PLAT: variants seen among roughly 807,000 people sequenced by gnomAD.
PLAT encodes plasminogen activator, tissue type.
In PLAT, 48 loss-of-function variants were observed where a neutral mutation model predicts 74.9. The ratio of observed to expected loss-of-function variants is 0.64; its 90% CI spans 0.51 to 0.82. The LOEUF (loss-of-function observed/expected upper bound fraction) is 0.82, where lower values mean the gene tolerates loss of function less well. Among genes scored for constraint, PLAT ranks in the 40% least tolerant of loss-of-function variants. The pLI, the probability that PLAT is intolerant of heterozygous loss-of-function variation, is 0.00. For missense variants in PLAT, 673 were observed against 736.2 expected (o/e 0.91, Z 0.99); for synonymous variants, 307 against 294.4 (o/e 1.04, Z -0.44).
intron 9 of PLAT, 142 bp from the exon 10 acceptor site, chr8:42,180,827 C>G (rs1455160237): frequency 8.0e-6 from 5 of 622,960 alleles, no homozygotes; most frequent in African/African-American, 7.4e-5. Context: ...TCCATACATT[C>G]TCTTTAGTTC....
In PLAT at chr8:42,187,590, A is replaced by G. The variant is rs1805533772; in HGVS notation, c.365-18T>C. The G allele has an allele frequency of 6.4e-7, 1 of 1,573,078 alleles. No individual in the cohort carries two copies. The highest frequency in any genetic ancestry group is 8.7e-7 in the Non-Finnish European group (1 of 1,154,838). ...CCTGGTATCTGACAGAGAGCAGGGC[A>G]TGGATGCCTCACATGGGAGTCCCCT... is the stretch of plus-strand genomic sequence containing the variant. On this transcript the variant is annotated intron_variant, in intron 5 of 13. Transcript: ENST00000220809.
chr8:42,187,288 T>G (rs1218356374), intron 6 of PLAT, 110 bp downstream of exon 6: 37 of 837,384 alleles, frequency 4.4e-5, no homozygotes. Context: ...CATCTATCCA[T>G]CCTGTATTGG....
In PLAT at chr8:42,178,997, G is replaced by C. The variant is rs770054356; in HGVS notation, c.1430C>G (p.Thr477Arg). 14 of 1,613,738 alleles carry C rather than the reference G, an allele frequency of 8.7e-6. No individual in the cohort carries two copies. The highest frequency in any genetic ancestry group is 1.7e-5 in the Admixed American group (1 of 60,032). Reference protein sequence around the residue: ...HVRLYPSSRCTSQHLLNRTVT... With the variant: ...HVRLYPSSRCRSQHLLNRTVT... ...TGTTCTGTTAAGTAAATGTTGTGAT[G>C]TGCAGCGGCTGGATGGGTACAGTCT... The change falls in exon 13 of 14, where the codon ACA becomes AGA. Residue 477 changes from threonine (T) to arginine (R), a missense_variant. Coordinates refer to ENST00000220809, the MANE Select transcript of PLAT (RefSeq NM_000930.5).
chr8:42,177,711 A>C (rs1269630529), intron 13 of PLAT, among the ~76,000 whole-genome samples: 1 of 152,238 alleles, frequency 6.6e-6, no homozygotes, highest in Non-Finnish European at 1.5e-5. Flanking sequence ...CTAAGCTTGC[A>C]GATAGATAAT....
rs996762154 is a variant in PLAT, at chr8:42,175,411, T to G, written c.*582A>C. The G allele has an allele frequency of 6.5e-6, 1 of 152,906 alleles. No homozygotes were observed. Among genetic ancestry groups the G allele is most frequent in the African/African-American group, 2.4e-5 (1 of 41,472 alleles). The allele number at this position is 152,906 out of a possible 1,614,324, so 9.5% of individuals were successfully genotyped here. On this transcript the variant is annotated 3_prime_UTR_variant, in exon 14 of 14. Coordinates refer to ENST00000220809, the MANE Select transcript of PLAT (RefSeq NM_000930.5). ...TTATAAAGAAAAAGGATTTACACTTTACACACTGTACACAAAAGGAATACC... is the reference window on the plus strand; with the variant it reads ...TTATAAAGAAAAAGGATTTACACTTGACACACTGTACACAAAAGGAATACC...
rs1326966935 is a variant in PLAT at position 42,176,039 on chromosome 8, T to G, written c.1643A>C (p.Lys548Thr). The change falls in exon 14 of 14, where the codon AAG becomes ACG. Residue 548 changes from lysine to threonine, a missense_variant. By Grantham distance (78) the Lys-to-Thr change is moderately conservative. Transcript: ENST00000220809. ...AATCCAGTCTAGGTAGTTGGTAACC[T>G]TGGTGTACACACCCGGGACATCCTT... is the stretch of plus-strand genomic sequence containing the variant. Reference protein sequence around the residue: ...GQKDVPGVYTKVTNYLDWIRD... With the variant: ...GQKDVPGVYTTVTNYLDWIRD... The G allele has an allele frequency of 1.9e-6, 3 of 1,614,060 alleles. No individual in the cohort carries two copies. In the African/African-American group the frequency reaches 4.0e-5, roughly 22 times the overall value.
intron 7 of PLAT, among the ~76,000 whole-genome samples, chr8:42,183,534 T>C (rs1805332523): frequency 1.3e-5 from 2 of 151,912 alleles, no homozygotes; most frequent in African/African-American, 4.8e-5. Flanking sequence ...CGTGCTTCAG[T>C]GGGGCTGGGG....
At chr8:42,205,570 C>G (rs1263068640) in intron 1 of PLAT, among the ~76,000 whole-genome samples, 1 of 152,114 alleles carries the variant, frequency 6.6e-6, no homozygotes, top group Admixed American at 6.5e-5. Context: ...GCATAAGTGA[C>G]TCTTCCTCTG....
At chr8:42,177,464 A>G (rs1339897148) in intron 13 of PLAT, among the ~76,000 whole-genome samples, 1 of 152,170 alleles carries the variant, frequency 6.6e-6, no homozygotes, top group East Asian at 1.9e-4. Flanking sequence ...AATTACTCAA[A>G]CGTTTCAGGC....
chr8:42,204,891 AG>A (rs1806277142), intron 1 of PLAT, among the ~76,000 whole-genome samples: 1 of 151,894 alleles, frequency 6.6e-6, no homozygotes, highest in Non-Finnish European at 1.5e-5. Flanking sequence ...GGTGGCTTCA[AG>A]TGACACTACC....
chr8:42,185,427 C>A lies in PLAT; in HGVS notation c.540-255G>T, dbSNP rs8178761. On this transcript the variant is annotated intron_variant, in intron 6 of 13. Transcript: ENST00000220809. ...TACAGGTGCCTGCCACCATGCCTGG[C>A]TAATTTTTGTATTTTTAGTAGAGAC... 7.1e-3 allele frequency: 2,045 copies of A among 286,232 alleles called. 36 individuals carry two copies. The highest frequency in any genetic ancestry group is 0.04 in the African/African-American group (1,799 of 45,526). The allele number at this position is 286,232 out of a possible 1,614,324, so 17.7% of individuals were successfully genotyped here. A position where few individuals can be genotyped will look rare whatever the true frequency, so the allele number is the denominator to read the frequency against.
rs548778308 is a variant in PLAT at position 42,186,095 on chromosome 8, C to T, written c.540-923G>A. On this transcript the variant is annotated intron_variant, in intron 6 of 13. Transcript: ENST00000220809. ...TCATGAGCCAAGGGAAATGTCAAGC[C>T]GGGAACTACGTCAGGCAAACCTGCC... The T allele has an allele frequency of 1.4e-4, 21 of 151,732 alleles. 1 individual carries two copies. The highest frequency in any genetic ancestry group is 9.7e-4 in the East Asian group (5 of 5,156). 9.4% of individuals were successfully genotyped at this position (151,732 alleles called of 1,614,324 possible).
chr8:42,189,304 G>A (rs947387622), intron 3 of PLAT, among the ~76,000 whole-genome samples: 1 of 152,026 alleles, frequency 6.6e-6, no homozygotes, highest in African/African-American at 2.4e-5. Context: ...AATCACTTGA[G>A]CTCAGGAGTT....
chr8:42,183,315 C>G (rs934507472), intron 7 of PLAT, among the ~76,000 whole-genome samples: 10 of 152,140 alleles, frequency 6.6e-5, no homozygotes, highest in Admixed American at 6.5e-4. Flanking sequence ...AGCCTTTTTC[C>G]CCCTCTTTGA....
chr8:42,193,948 T>C (rs897807804), intron 1 of PLAT, among the ~76,000 whole-genome samples: 9 of 151,396 alleles, frequency 5.9e-5, no homozygotes, highest in African/African-American at 1.9e-4. Context: ...TCTCCTGACC[T>C]CGTGATCCGC....
chr8:42,176,648 G>C (rs8178800), intron 13 of PLAT, among the ~76,000 whole-genome samples: 2,926 of 152,342 alleles, frequency 0.019, 88 homozygotes, highest in African/African-American at 0.067. Flanking sequence ...AAACTGTGAG[G>C]TGTGGAGGCA....
intron 1 of PLAT, among the ~76,000 whole-genome samples, chr8:42,207,116 C>T (rs1047702682): frequency 6.6e-6 from 1 of 152,316 alleles, no homozygotes; most frequent in South Asian, 2.1e-4. Flanking sequence ...GTCACAGGCA[C>T]GTGTCCCAAG....
intron 1 of PLAT, chr8:42,195,600 A>G (rs1587941713): frequency 6.6e-6 from 1 of 152,248 alleles, no homozygotes; most frequent in East Asian, 1.9e-4. Flanking sequence ...AGCCAAGGCC[A>G]CCCAGAACAG....
At chr8:42,177,104 G>A (rs1235395602) in intron 13 of PLAT, among the ~76,000 whole-genome samples, 4 of 152,038 alleles carry the variant, frequency 2.6e-5, no homozygotes, top group African/African-American at 9.7e-5. Context: ...TTATGGGCAC[G>A]CACCACCACA....
Sources: gnomAD v4.1 joint callset for allele counts (sites outside exome capture counted in the v4.1 genomes callset) on GRCh38, gnomAD v4.1.1 for gene constraint, MANE v1.5 for transcripts, NCBI Gene and HGNC (gene_info 2026-07-23, HGNC 2026-07-21) for gene names.